The following SLCO1B1 variants were observed in gnomAD, a reference collection of about 807,000 sequenced individuals.
SLCO1B1 encodes the protein OATP-2.
Under a neutral mutation model 70.1 loss-of-function variants are expected in SLCO1B1, and 81 were observed. That is an observed-to-expected ratio of 1.16 (90% CI 0.97 to 1.39). SLCO1B1 has a LOEUF of 1.39. Ranked by LOEUF, SLCO1B1 falls within the 40% of genes most tolerant of loss-of-function variation. The pLI is 0.00. For missense variants in SLCO1B1, 895 were observed against 799.6 expected, an observed-to-expected ratio of 1.12 and a Z score of -1.44; for synonymous variants, 283 against 271.5, an observed-to-expected ratio of 1.04 and a Z score of -0.42.
At chr12:21,215,220 T>C (rs939573934) in intron 11 of SLCO1B1, among the ~76,000 whole-genome samples, 1 of 152,230 alleles carries the variant, frequency 6.6e-6, no homozygotes, top group Admixed American at 6.5e-5. Context: ...CTATGTTGAA[T>C]AGGAGTGGTG....
chr12:21,157,248 C>T (rs555927019), intron 2 of SLCO1B1, among the ~76,000 whole-genome samples: 6 of 152,136 alleles, frequency 3.9e-5, no homozygotes, highest in South Asian at 2.1e-4. Flanking sequence ...GTATCACATA[C>T]GATCTCAGTC....
At chr12:21,131,919 G>T (rs2121015347) in intron 1 of SLCO1B1, among the ~76,000 whole-genome samples, 1 of 152,120 alleles carries the variant, frequency 6.6e-6, no homozygotes, top group Admixed American at 6.5e-5. Flanking sequence ...CATGTGCCAT[G>T]TTGGTGTGCT....
chr12:21,163,298 G>A (rs558250620), intron 2 of SLCO1B1, among the ~76,000 whole-genome samples: 2 of 151,924 alleles, frequency 1.3e-5, no homozygotes, highest in Non-Finnish European at 2.9e-5. Context: ...TCTAACTAGG[G>A]AGTAGTTAGA....
At chr12:21,224,409 C>T (rs574015247) in intron 13 of SLCO1B1, among the ~76,000 whole-genome samples, 1 of 152,122 alleles carries the variant, frequency 6.6e-6, no homozygotes, top group South Asian at 2.1e-4. Flanking sequence ...ACATAACTTC[C>T]AAGTTTTACT....
At position 21,178,944 on chromosome 12, in the gene SLCO1B1, G is replaced by T. The variant is rs1048383515; in HGVS notation, c.651G>T (p.Met217Ile). Reference protein sequence around the residue: ...LYLGILNAIAMIGPIIGFTLG... With the variant: ...LYLGILNAIAIIGPIIGFTLG... ...CAGGTATATTGAATGCAATAGCAATGATTGGTCCAATCATTGGCTTTACCC... is the reference window on the plus strand; with the variant it reads ...CAGGTATATTGAATGCAATAGCAATTATTGGTCCAATCATTGGCTTTACCC... The change falls in exon 7 of 15, where the codon ATG becomes ATT. Residue 217 changes from methionine (M) to isoleucine (I), a missense_variant. Coordinates refer to ENST00000256958, the MANE Select transcript of SLCO1B1 (RefSeq NM_006446.5). The T allele has an allele frequency of 6.2e-7, 1 of 1,611,286 alleles. No individual in the cohort carries two copies. Among genetic ancestry groups the T allele is most frequent in the Non-Finnish European group, 8.5e-7 (1 of 1,178,004 alleles).
chr12:21,166,747 G>T (rs1940691722), intron 2 of SLCO1B1, among the ~76,000 whole-genome samples: 1 of 152,132 alleles, frequency 6.6e-6, no homozygotes, highest in Non-Finnish European at 1.5e-5. Context: ...CAAATTTAAA[G>T]ATAGGCTTAC....
At chr12:21,136,304 G>A (rs944336928) in intron 1 of SLCO1B1, among the ~76,000 whole-genome samples, 25 of 150,402 alleles carry the variant, frequency 1.7e-4, no homozygotes, top group African/African-American at 5.8e-4. Flanking sequence ...TGACAATTAT[G>A]TGTCTTGGAG....
chr12:21,233,047 A>G (rs907938864), intron 14 of SLCO1B1, among the ~76,000 whole-genome samples: 11 of 152,150 alleles, frequency 7.2e-5, no homozygotes, highest in Non-Finnish European at 1.6e-4. Flanking sequence ...CAAAATACAC[A>G]TAACAAAACA....
chr12:21,140,481 TC>T (rs1167515449), intron 1 of SLCO1B1, among the ~76,000 whole-genome samples: 1 of 152,002 alleles, frequency 6.6e-6, no homozygotes, highest in Non-Finnish European at 1.5e-5. Context: ...ACAATTTCTC[TC>T]ATACATTGAC....
At chr12:21,136,755 A>T (rs1233076942) in intron 1 of SLCO1B1, among the ~76,000 whole-genome samples, 1 of 151,852 alleles carries the variant, frequency 6.6e-6, no homozygotes, top group Non-Finnish European at 1.5e-5. Flanking sequence ...AAAGCTTTTA[A>T]CTTCTTTGCC....
chr12:21,140,077 T>A (rs1016416761), intron 1 of SLCO1B1, among the ~76,000 whole-genome samples: 4 of 152,068 alleles, frequency 2.6e-5, no homozygotes, highest in Non-Finnish European at 5.9e-5. Flanking sequence ...CAGTTCTATA[T>A]TGAACAATTT....
chr12:21,215,027 C>T (rs1420678400), intron 11 of SLCO1B1, among the ~76,000 whole-genome samples: 3 of 152,132 alleles, frequency 2.0e-5, no homozygotes, highest in East Asian at 1.9e-4. Flanking sequence ...CCGTCTTCTG[C>T]GTCGCTCACG....
At chr12:21,233,931 G>A (rs976273735) in intron 14 of SLCO1B1, among the ~76,000 whole-genome samples, 2 of 152,210 alleles carry the variant, frequency 1.3e-5, no homozygotes, top group African/African-American at 4.8e-5. Flanking sequence ...CCCCTAGTGT[G>A]TAACCACCTA....
intron 10 of SLCO1B1, among the ~76,000 whole-genome samples, chr12:21,205,347 T>A (rs1238205142): frequency 6.6e-6 from 1 of 151,962 alleles, no homozygotes; most frequent in Non-Finnish European, 1.5e-5. Context: ...GATTCTATTC[T>A]TGATTTTTCA....
chr12:21,218,581 C>T (rs1013769436), intron 12 of SLCO1B1, among the ~76,000 whole-genome samples: 1 of 151,480 alleles, frequency 6.6e-6, no homozygotes, highest in Non-Finnish European at 1.5e-5. Context: ...CTAAATATGC[C>T]ACAGATATAG....
intron 7 of SLCO1B1, among the ~76,000 whole-genome samples, chr12:21,183,223 C>T (rs2417965): frequency 0.7 from 106,240 of 152,170 alleles, 38,093 homozygotes; most frequent in South Asian, 0.89. Context: ...TGAGACTGTA[C>T]CTCACTCTGT....
At position 21,202,833 on chromosome 12, in the gene SLCO1B1, G is replaced by A. The variant is rs1449732518; in HGVS notation, c.1331+147G>A. 6.1e-5 allele frequency: 39 copies of A among 644,348 alleles called. 1 individual carries two copies. Among genetic ancestry groups the A allele is most frequent in the Middle Eastern group, 4.2e-4 (1 of 2,392 alleles). 39.9% of individuals were successfully genotyped at this position (644,348 alleles called of 1,614,324 possible). A position where few individuals can be genotyped will look rare whatever the true frequency, so the allele number is the denominator to read the frequency against. ...CAATTTTAAAATTTTTAAAATATCT[G>A]TTTCTTAAGACCTCAAACACATTCT... is the stretch of plus-strand genomic sequence containing the variant. On this transcript the variant is annotated intron_variant, in intron 10 of 14. Transcript: ENST00000256958.
In SLCO1B1 at chr12:21,202,569, T is replaced by C. The variant is rs766709222; in HGVS notation, c.1214T>C (p.Val405Ala). 9 of 1,612,500 alleles carry C rather than the reference T, an allele frequency of 5.6e-6. No homozygotes were observed. Among genetic ancestry groups the C allele is most frequent in the Admixed American group, 1.7e-5 (1 of 59,848 alleles). Reference sequence around the variant, plus strand: ...ATTAAAAAATTCAAACTGAACACCGTTGGAATTGCCAAATTCTCATGTTTT... The same window carrying C: ...ATTAAAAAATTCAAACTGAACACCGCTGGAATTGCCAAATTCTCATGTTTT... The part of the protein sequence containing the change: ...YIIKKFKLNT[V>A]GIAKFSCFTA... The change falls in exon 10 of 15, where the codon GTT becomes GCT. Residue 405 changes from valine (V) to alanine (A), a missense_variant. Transcript: ENST00000256958.
chr12:21,225,164 A>C (rs947385177), intron 14 of SLCO1B1, among the ~76,000 whole-genome samples: 7 of 152,126 alleles, frequency 4.6e-5, no homozygotes, highest in African/African-American at 1.7e-4. Context: ...TCCTCATGTC[A>C]GTATATATAA....
Sources: gnomAD v4.1 joint callset for allele counts (sites outside exome capture counted in the v4.1 genomes callset) on GRCh38, gnomAD v4.1.1 for gene constraint, MANE v1.5 for transcripts, NCBI Gene and HGNC (gene_info 2026-07-23, HGNC 2026-07-21) for gene names.